The following MITF variants were observed in gnomAD, a reference collection of about 807,000 sequenced individuals.
MITF encodes the protein microphthalmia-associated transcription factor.
In MITF, 17 loss-of-function variants were observed where a neutral mutation model predicts 60.5. The observed-to-expected ratio is 0.28, with a 90% CI of 0.19 to 0.42. MITF has a LOEUF of 0.42. Among genes scored for constraint, MITF ranks in the 10% least tolerant of loss-of-function variants. MITF has a pLI of 1.00. For synonymous variants in MITF, 260 were observed against 248.5 expected (o/e 1.05, Z -0.43); for missense variants, 622 against 683.5 (o/e 0.91, Z 1.00).
At chr3:69,863,364 G>T (rs1024379885) in intron 1 of MITF, among the ~76,000 whole-genome samples, 2 of 152,164 alleles carry the variant, frequency 1.3e-5, no homozygotes, top group African/African-American at 4.8e-5. Flanking sequence ...ATCCAAGAAG[G>T]TTCCCTTAGA....
At chr3:69,885,706 T>C (rs1185505529) in intron 2 of MITF, among the ~76,000 whole-genome samples, 1 of 152,130 alleles carries the variant, frequency 6.6e-6, no homozygotes, top group East Asian at 1.9e-4. Context: ...GGGAAAAATG[T>C]CTTAAAAGGC....
At chr3:69,959,937 G>A (rs551624399) in intron 9 of MITF, among the ~76,000 whole-genome samples, 1 of 152,170 alleles carries the variant, frequency 6.6e-6, no homozygotes, top group Non-Finnish European at 1.5e-5. Context: ...AGTGCTATTG[G>A]CTGTGAGTTT....
chr3:69,939,299 T>TTA, intron 4 of MITF, 118 bp downstream of exon 4: 1 of 888,278 alleles, frequency 1.1e-6, no homozygotes, highest in South Asian at 1.6e-5. Context: ...TTTTTTTTTT[T>TTA]TATAGAGAAA....
intron 1 of MITF, among the ~76,000 whole-genome samples, chr3:69,769,006 G>A (rs566558295): frequency 6.6e-6 from 1 of 152,302 alleles, no homozygotes; most frequent in South Asian, 2.1e-4. Context: ...TTCTAGGTTT[G>A]AATCTCAGCT....
intron 1 of MITF, among the ~76,000 whole-genome samples, chr3:69,793,318 A>G (rs966632494): frequency 1.3e-5 from 2 of 152,038 alleles, no homozygotes; most frequent in African/African-American, 2.4e-5. Context: ...ACCCAGCCAG[A>G]TTTTCTAATT....
At chr3:69,813,228 G>A (rs532741851) in intron 1 of MITF, among the ~76,000 whole-genome samples, 1 of 152,268 alleles carries the variant, frequency 6.6e-6, no homozygotes, top group African/African-American at 2.4e-5. Flanking sequence ...ACACAGTTAG[G>A]TAGCTAAGGG....
intron 1 of MITF, among the ~76,000 whole-genome samples, chr3:69,753,164 C>A (rs1344592704): frequency 6.6e-6 from 1 of 152,184 alleles, no homozygotes; most frequent in Non-Finnish European, 1.5e-5. Context: ...CCTAGTTGCT[C>A]CAGATCCAGC....
intron 1 of MITF, among the ~76,000 whole-genome samples, chr3:69,775,883 T>G (rs2062465706): frequency 6.6e-6 from 1 of 152,208 alleles, no homozygotes; most frequent in South Asian, 2.1e-4. Flanking sequence ...CTGCCCTAAT[T>G]GTTCATATCA....
intron 1 of MITF, among the ~76,000 whole-genome samples, chr3:69,757,965 G>A (rs2106791596): frequency 6.6e-6 from 1 of 151,052 alleles, no homozygotes; most frequent in Non-Finnish European, 1.5e-5. Context: ...GTCTTTCTGG[G>A]AGAGGAAAAG....
chr3:69,959,372 A>G lies in MITF; in HGVS notation c.1131A>G (p.Arg377=), dbSNP rs1199784987. The change falls in exon 9 of 10, where the codon CGA becomes CGG. Residue 377 remains arginine, a synonymous_variant. Coordinates refer to ENST00000352241, the MANE Select transcript of MITF (RefSeq NM_001354604.2). ...AACGCGCAAAAGAACTTGAAAACCG[A>G]CAGAAGAAACTGGAGCACGCCAACC... is the stretch of plus-strand genomic sequence containing the variant. The part of the protein sequence containing the change: ...EQQRAKELEN[R]QKKLEHANRH... The G allele has an allele frequency of 1.9e-6, 3 of 1,613,960 alleles. No individual in the cohort carries two copies. In the Admixed American group the frequency reaches 5.0e-5, roughly 27 times the overall value.
intron 1 of MITF, among the ~76,000 whole-genome samples, chr3:69,843,163 A>C (rs2063670512): frequency 6.6e-6 from 1 of 152,196 alleles, no homozygotes; most frequent in South Asian, 2.1e-4. Flanking sequence ...TGCTGCTATG[A>C]AAAACCAATA....
chr3:69,859,721 C>A (rs2063979284), intron 1 of MITF, among the ~76,000 whole-genome samples: 1 of 152,008 alleles, frequency 6.6e-6, no homozygotes, highest in African/African-American at 2.4e-5. Context: ...ATCCACAACA[C>A]CCCTAAAAGA....
chr3:69,826,666 G>A (rs1338748497), intron 1 of MITF, among the ~76,000 whole-genome samples: 2 of 152,128 alleles, frequency 1.3e-5, no homozygotes, highest in Non-Finnish European at 2.9e-5. Flanking sequence ...CTCCTCATTG[G>A]CAATGGGCTT....
At chr3:69,791,634 A>C (rs2062741889) in intron 1 of MITF, among the ~76,000 whole-genome samples, 1 of 152,190 alleles carries the variant, frequency 6.6e-6, no homozygotes, top group South Asian at 2.1e-4. Flanking sequence ...TGAAAGTTCA[A>C]ACTGGCACAG....
intron 2 of MITF, among the ~76,000 whole-genome samples, chr3:69,930,157 C>A (rs1404631338): frequency 6.6e-6 from 1 of 152,046 alleles, no homozygotes; most frequent in Non-Finnish European, 1.5e-5. Flanking sequence ...GGTGCCGTCT[C>A]GTAGGCCAGT....
intron 1 of MITF, among the ~76,000 whole-genome samples, chr3:69,858,864 C>G (rs1173356113): frequency 6.6e-6 from 1 of 152,158 alleles, no homozygotes; most frequent in Admixed American, 6.5e-5. Flanking sequence ...CTTTGAGGCT[C>G]TAAGGGCTGA....
intron 1 of MITF, among the ~76,000 whole-genome samples, chr3:69,757,154 T>C (rs1339854688): frequency 1.3e-5 from 2 of 152,144 alleles, no homozygotes; most frequent in Non-Finnish European, 2.9e-5. Flanking sequence ...TTCCCCCAAC[T>C]ATCAGCTGTT....
intron 1 of MITF, among the ~76,000 whole-genome samples, chr3:69,842,727 A>C (rs1021953458): frequency 4.2e-5 from 6 of 142,050 alleles, no homozygotes; most frequent in Non-Finnish European, 8.0e-5. Flanking sequence ...TGCATTTCCA[A>C]AATCAACGTG....
intron 2 of MITF, among the ~76,000 whole-genome samples, chr3:69,896,331 G>A (rs1169947172): frequency 2.6e-5 from 4 of 152,332 alleles, no homozygotes; most frequent in African/African-American, 9.6e-5. Flanking sequence ...AGAGGCAGCA[G>A]CTGCAGAGAC....
Sources: allele counts gnomAD v4.1 joint callset (sites outside exome capture counted in the v4.1 genomes callset), GRCh38; gene constraint gnomAD v4.1.1; transcripts MANE v1.5; gene names NCBI Gene and HGNC (gene_info 2026-07-23, HGNC 2026-07-21).